Variants in RIC1 observed in about 807,000 individuals in gnomAD.
RIC1 encodes RIC1 partner of RAB6A GEF complex, also known as guanine nucleotide exchange factor subunit RIC1.
RIC1 carries 88 observed loss-of-function variants against 169.0 expected under a neutral mutation model. That is an observed-to-expected ratio of 0.52 (90% CI 0.44 to 0.62). RIC1 has a LOEUF of 0.62. Ranked by LOEUF, RIC1 falls within the 20% of genes least tolerant of loss-of-function variation. The pLI is 0.00. For missense variants in RIC1, 1,877 were observed against 1,725.5 expected (o/e 1.09, Z -1.56); for synonymous variants, 790 against 601.5 (o/e 1.31, Z -4.59).
Position 5,774,169 on chromosome 9 carries a change from C to T in RIC1, c.4195C>T (p.Arg1399Trp), listed in dbSNP as rs376378176. 19 of 1,613,898 alleles carry T rather than the reference C, an allele frequency of 1.2e-5. No homozygotes were observed. The African/African-American group carries it at 1.5e-4, about 12-fold the overall frequency. ...GEVGSSNMVS[R>W]KEEDTAQAEE... is the part of the protein sequence containing the mutation. ...AGTTGGAAGCAGCAATATGGTCAGC[C>T]GGAAAGAGGAGGACACAGCCCAAGC... is the stretch of plus-strand genomic sequence containing the variant. The change falls in exon 26 of 26, where the codon CGG (arginine) becomes TGG (tryptophan). Residue 1399 changes from arginine (R) to tryptophan (W), a missense_variant. Arg to Trp is a moderately radical substitution (Grantham distance 101). Transcript: ENST00000414202.
intron 6 of RIC1, among the ~76,000 whole-genome samples, chr9:5,730,316 G>T (rs1419390881): frequency 1.3e-5 from 2 of 152,264 alleles, no homozygotes; most frequent in African/African-American, 4.8e-5. Flanking sequence ...AGACAGTAAA[G>T]AGTTGCCAGA....
At chr9:5,681,554 T>C (rs914582490) in intron 2 of RIC1, among the ~76,000 whole-genome samples, 10 of 152,252 alleles carry the variant, frequency 6.6e-5, no homozygotes, top group African/African-American at 2.2e-4. Flanking sequence ...AGGAGTGCCT[T>C]ACTTCAAACT....
intron 12 of RIC1, among the ~76,000 whole-genome samples, chr9:5,747,857 T>C (rs1825477307): frequency 6.6e-6 from 1 of 152,190 alleles, no homozygotes; most frequent in Non-Finnish European, 1.5e-5. Flanking sequence ...AATAATCTCA[T>C]GGAAAGTGGC....
At chr9:5,684,143 C>T (rs113094055) in intron 2 of RIC1, among the ~76,000 whole-genome samples, 6 of 152,022 alleles carry the variant, frequency 3.9e-5, no homozygotes, top group South Asian at 2.1e-4. Context: ...GTGCGCTGCA[C>T]CCACTGTCCG....
At chr9:5,769,651 G>GA (rs1434829295) in intron 22 of RIC1, 1 of 334,544 alleles carries the variant, frequency 3.0e-6, no homozygotes, top group African/African-American at 2.1e-5. Flanking sequence ...TAAACTAGGA[G>GA]AGGACAAACT....
intron 3 of RIC1, among the ~76,000 whole-genome samples, chr9:5,709,736 AAGTC>A (rs750290614): frequency 6.6e-6 from 1 of 152,150 alleles, no homozygotes; most frequent in Non-Finnish European, 1.5e-5. Context: ...TTTTATGAGA[AAGTC>A]AGAATTTTTT....
intron 17 of RIC1, among the ~76,000 whole-genome samples, chr9:5,761,539 GA>G (rs530281619): frequency 6.6e-6 from 1 of 152,078 alleles, no homozygotes; most frequent in African/African-American, 2.4e-5. Context: ...GAGCCAAAAA[GA>G]AAAAGGGAAA....
At chr9:5,634,474 A>C (rs947087571) in intron 1 of RIC1, among the ~76,000 whole-genome samples, 7 of 152,172 alleles carry the variant, frequency 4.6e-5, no homozygotes, top group Non-Finnish European at 1.0e-4. Context: ...CCTGATGATT[A>C]GTGTATTGAG....
At chr9:5,679,130 G>C (rs1343863164) in intron 2 of RIC1, among the ~76,000 whole-genome samples, 1 of 152,080 alleles carries the variant, frequency 6.6e-6, no homozygotes, top group Non-Finnish European at 1.5e-5. Flanking sequence ...GTTTTTGTCA[G>C]GTTTGTCCAA....
At chr9:5,729,173 A>G (rs1824199618) in intron 6 of RIC1, among the ~76,000 whole-genome samples, 1 of 151,946 alleles carries the variant, frequency 6.6e-6, no homozygotes, top group Non-Finnish European at 1.5e-5. Flanking sequence ...GTGAACCTTT[A>G]TTTTCTATCC....
chr9:5,658,838 C>T (rs1415610381), intron 2 of RIC1, among the ~76,000 whole-genome samples: 2 of 147,366 alleles, frequency 1.4e-5, no homozygotes, highest in Non-Finnish European at 3.0e-5. Context: ...TTTTTTTTTA[C>T]CGAGACTGAC....
downstream of RIC1, among the ~76,000 whole-genome samples, chr9:5,778,626 G>C (rs959610780): frequency 2.0e-5 from 3 of 152,140 alleles, no homozygotes; most frequent in African/African-American, 7.2e-5. Flanking sequence ...AACATACATT[G>C]CATCTACTGA....
intron 3 of RIC1, among the ~76,000 whole-genome samples, chr9:5,699,128 C>T (rs536347795): frequency 6.6e-6 from 1 of 152,320 alleles, no homozygotes; most frequent in South Asian, 2.1e-4. Flanking sequence ...AAACTCCTTA[C>T]ATCATATCCT....
intron 2 of RIC1, among the ~76,000 whole-genome samples, chr9:5,670,395 T>C (rs1270793534): frequency 1.3e-5 from 2 of 152,226 alleles, no homozygotes; most frequent in African/African-American, 4.8e-5. Context: ...CCTCCTACTA[T>C]GAATTTTAAT....
At chr9:5,663,213 C>CTT (rs938333572) in intron 2 of RIC1, among the ~76,000 whole-genome samples, 1 of 152,086 alleles carries the variant, frequency 6.6e-6, no homozygotes, top group Non-Finnish European at 1.5e-5. Flanking sequence ...CATTTCAGTT[C>CTT]TTTTGCATTT....
At chr9:5,658,093 C>T (rs764748592) in intron 2 of RIC1, among the ~76,000 whole-genome samples, 25 of 152,174 alleles carry the variant, frequency 1.6e-4, no homozygotes, top group Non-Finnish European at 2.8e-4. Context: ...TTCAAGTGTA[C>T]ACATATTGCC....
intron 3 of RIC1, among the ~76,000 whole-genome samples, chr9:5,708,036 A>C (rs1041299236): frequency 4.6e-5 from 7 of 150,884 alleles, no homozygotes; most frequent in African/African-American, 1.7e-4. Context: ...TACCATTTCA[A>C]CTCCTTTCTC....
Position 5,672,707 on chromosome 9 carries a change from C to A in RIC1, c.252+16017C>A, listed in dbSNP as rs530734432. On this transcript the variant is annotated intron_variant, in intron 2 of 25. Transcript: ENST00000414202. ...ATTGAAGGTTGTCAGATTGAAAAGGCTGAGACTTAGATACATTTGATTGCG... is the reference window on the plus strand; with the variant it reads ...ATTGAAGGTTGTCAGATTGAAAAGGATGAGACTTAGATACATTTGATTGCG... Among the ~76,000 whole-genome samples, 6 of 152,210 alleles carry A rather than the reference C, an allele frequency of 3.9e-5. No individual in the cohort carries two copies. The East Asian group carries it at 1.2e-3, about 29-fold the overall frequency.
chr9:5,733,177 C>A (rs1162457108), intron 7 of RIC1, among the ~76,000 whole-genome samples: 1 of 150,432 alleles, frequency 6.6e-6, no homozygotes, highest in African/African-American at 2.5e-5. Flanking sequence ...CTATGTTGCC[C>A]TCAAAATGAG....
Sources: allele counts gnomAD v4.1 joint callset (sites outside exome capture counted in the v4.1 genomes callset), GRCh38; gene constraint gnomAD v4.1.1; transcripts MANE v1.5; gene names NCBI Gene and HGNC (gene_info 2026-07-23, HGNC 2026-07-21).